POP1: variants seen among roughly 807,000 people sequenced by gnomAD.
POP1 encodes ribonucleases P/MRP protein subunit POP1.
A neutral mutation model predicts 102.2 loss-of-function variants in POP1; 75 were observed. The ratio of observed to expected loss-of-function variants is 0.73; its 90% confidence interval spans 0.61 to 0.89. The LOEUF is 0.89. POP1 is among the 40% of genes least tolerant of loss of function. The pLI is 0.00. For missense variants in POP1, 1,116 were observed against 1,267.4 expected (o/e 0.88, Z 1.81); for synonymous variants, 436 against 464.1 (o/e 0.94, Z 0.78).
Position 98,137,049 on chromosome 8 carries a change from A to G in POP1, c.1362+95A>G, listed in dbSNP as rs561616018. 7.8e-4 allele frequency: 890 copies of G among 1,138,714 alleles called. 13 individuals are homozygous for G. Among genetic ancestry groups the G allele is most frequent in the South Asian group, 7.3e-3 (571 of 78,216 alleles). 70.5% of individuals were successfully genotyped at this position (1,138,714 alleles called of 1,614,324 possible). ...ATATAATTTGGTAACATTTTGGGCC[A>G]TGGCTTTTAGATGTTTATTTCCCTA... On this transcript the variant is annotated intron_variant, in intron 9 of 15. Coordinates refer to ENST00000401707, the MANE Select transcript of POP1 (RefSeq NM_001145860.2).
rs977300497 is a variant in POP1, at chr8:98,146,466, A to G, written c.1595-102A>G. The G allele has an allele frequency of 4.7e-6, 4 of 842,284 alleles. No homozygotes were observed. In the African/African-American group the frequency reaches 5.0e-5, roughly 11 times the overall value. The allele number at this position is 842,284 out of a possible 1,614,324, so 52.2% of individuals were successfully genotyped here. ...ATTCTTCTAAGTTAAGTAAATGCCT[A>G]TGAAATATTGTTTTGTAACAAAAGG... On this transcript the variant is annotated intron_variant, in intron 11 of 15. Coordinates refer to ENST00000401707, the MANE Select transcript of POP1 (RefSeq NM_001145860.2).
In POP1 at chr8:98,136,942, T is replaced by A; in HGVS notation, c.1350T>A (p.Ala450=). 1 of 1,605,098 alleles carries A rather than the reference T, an allele frequency of 6.2e-7. No individual in the cohort carries two copies. Among genetic ancestry groups the A allele is most frequent in the Non-Finnish European group, 8.5e-7 (1 of 1,171,752 alleles). ...HSILTEAIKA[A]SVHTVGEDTE... is the part of the protein sequence containing the mutation. ...TCCTAACTGAAGCAATAAAAGCTGCTTCTGTCCACACTGTAAGAGTAAAAG... is the reference window on the plus strand; with the variant it reads ...TCCTAACTGAAGCAATAAAAGCTGCATCTGTCCACACTGTAAGAGTAAAAG... Residue 450 remains alanine (A), a synonymous_variant, in exon 9 of 16, where the codon GCT becomes GCA. Transcript: ENST00000401707.
In POP1 at chr8:98,130,115, C is replaced by T. The variant is rs200832245; in HGVS notation, c.624C>T (p.His208=). The T allele has an allele frequency of 1.2e-4, 186 of 1,614,178 alleles. 1 individual carries two copies. Among genetic ancestry groups the T allele is most frequent in the Middle Eastern group, 1.6e-4 (1 of 6,062 alleles). ...TTTGGTTAGAAACTCACATCTGGCACGCCAAGCGGTTTCATATGGTCAAGA... is the reference window on the plus strand; with the variant it reads ...TTTGGTTAGAAACTCACATCTGGCATGCCAAGCGGTTTCATATGGTCAAGA... ...KNIWLETHIW[H]AKRFHMVKKW... The change falls in exon 5 of 16, where the codon CAC becomes CAT. Residue 208 remains histidine, a synonymous_variant. Coordinates refer to ENST00000401707, the MANE Select transcript of POP1 (RefSeq NM_001145860.2).
rs1809646309 is a variant in POP1 at position 98,156,306 on chromosome 8, G to T, written c.2314G>T (p.Val772Leu). ...SIEHPREAEEVMDAGCQESAG... is the reference protein window; with the variant it reads ...SIEHPREAEELMDAGCQESAG... ...AGAGCACCCCAGGGAGGCAGAGGAG[G>T]TAATGGATGCAGGGTGTCAAGAATC... The change falls in exon 15 of 16, where the codon GTA becomes TTA. Residue 772 changes from valine to leucine, a missense_variant. Val to Leu is a conservative substitution (Grantham distance 32). Coordinates refer to ENST00000401707, the MANE Select transcript of POP1 (RefSeq NM_001145860.2). 1.2e-6 allele frequency: 2 copies of T among 1,614,180 alleles called. No homozygotes were observed. The highest frequency in any genetic ancestry group is 1.7e-6 in the Non-Finnish European group (2 of 1,180,036).
intron 12 of POP1, among the ~76,000 whole-genome samples, chr8:98,148,250 C>T (rs1369685743): frequency 3.3e-5 from 5 of 152,154 alleles, no homozygotes; most frequent in Non-Finnish European, 7.3e-5. Context: ...GAGGCAGTCT[C>T]TTGCATAGTT....
chr8:98,134,889 G>A (rs1816486340), intron 7 of POP1, among the ~76,000 whole-genome samples: 2 of 152,142 alleles, frequency 1.3e-5, no homozygotes, highest in South Asian at 4.1e-4. Flanking sequence ...TATATAATAT[G>A]ATGATTTGAT....
intron 5 of POP1, 31 bp downstream of exon 5, chr8:98,130,257 T>G: frequency 3.7e-6 from 6 of 1,613,852 alleles, no homozygotes; most frequent in Non-Finnish European, 5.1e-6. Flanking sequence ...TTTTTTGTTA[T>G]TTTTGTTTGA....
intron 2 of POP1, among the ~76,000 whole-genome samples, chr8:98,125,193 T>G (rs559287826): frequency 1.1e-4 from 16 of 147,858 alleles, no homozygotes; most frequent in African/African-American, 3.5e-4. Flanking sequence ...TTTTTTTTTT[T>G]TTTTTTTTTT....
intron 12 of POP1, among the ~76,000 whole-genome samples, chr8:98,148,146 A>G (rs1809405650): frequency 1.3e-5 from 2 of 152,248 alleles, no homozygotes; most frequent in Non-Finnish European, 2.9e-5. Context: ...ACTAACACAT[A>G]GATGGTAGTG....
At chr8:98,138,650 G>A (rs1333192921) in intron 9 of POP1, among the ~76,000 whole-genome samples, 1 of 152,146 alleles carries the variant, frequency 6.6e-6, no homozygotes, top group Non-Finnish European at 1.5e-5. Context: ...TAAGGGTGAG[G>A]ATAGAGTTGG....
At position 98,158,606 on chromosome 8, in the gene POP1, G is replaced by T. The variant is rs1176378669; in HGVS notation, c.*335G>T. On this transcript the variant is annotated 3_prime_UTR_variant, in exon 16 of 16. Transcript: ENST00000401707. ...TTGTTAGAAACAAAGGGCTTGTCAGGTCTATTTGAAAAACCTCATAGTCAT... is the reference window on the plus strand; with the variant it reads ...TTGTTAGAAACAAAGGGCTTGTCAGTTCTATTTGAAAAACCTCATAGTCAT... 5 of 271,436 alleles carry T rather than the reference G, an allele frequency of 1.8e-5. No individual in the cohort carries two copies. Among genetic ancestry groups the T allele is most frequent in the Non-Finnish European group, 3.5e-5 (5 of 141,134 alleles). The allele number at this position is 271,436 out of a possible 1,614,324, so 16.8% of individuals were successfully genotyped here. A position where few individuals can be genotyped will look rare whatever the true frequency, so the allele number is the denominator to read the frequency against.
chr8:98,121,615 T>C (rs1434430440), intron 1 of POP1, among the ~76,000 whole-genome samples: 1 of 150,464 alleles, frequency 6.6e-6, no homozygotes, highest in Non-Finnish European at 1.5e-5. Flanking sequence ...CCTCCTGGGT[T>C]CAAGCGATTC....
intron 7 of POP1, 65 bp from the exon 8 acceptor site, chr8:98,136,417 A>G: frequency 2.7e-6 from 4 of 1,507,464 alleles, no homozygotes; most frequent in East Asian, 4.8e-5. Flanking sequence ...AAAAAACCCA[A>G]CTAAATTTGT....
At chr8:98,143,542 A>G (rs1319058962) in intron 11 of POP1, among the ~76,000 whole-genome samples, 1 of 152,072 alleles carries the variant, frequency 6.6e-6, no homozygotes, top group Non-Finnish European at 1.5e-5. Context: ...CTTAGTTTGT[A>G]TTAGGGTTCA....
chr8:98,118,518 T>G (rs891090698), intron 1 of POP1, among the ~76,000 whole-genome samples: 2 of 152,138 alleles, frequency 1.3e-5, no homozygotes, highest in African/African-American at 4.8e-5. Context: ...CTTGACCTCC[T>G]GGGCTGAAGC....
chr8:98,118,727 AT>A (rs1242522598), intron 1 of POP1, among the ~76,000 whole-genome samples: 1 of 151,608 alleles, frequency 6.6e-6, no homozygotes, highest in Non-Finnish European at 1.5e-5. Flanking sequence ...GCCCGGCCTC[AT>A]TTTTTTTCTT....
chr8:98,136,800 G>A, intron 8 of POP1, 61 bp from the exon 9 acceptor site: 1 of 1,607,988 alleles, frequency 6.2e-7, no homozygotes, highest in Non-Finnish European at 8.5e-7. Flanking sequence ...CTCCATTTTT[G>A]TCAGTGGCAC....
Position 98,134,574 on chromosome 8 carries a change from C to T in POP1, c.926C>T (p.Thr309Met), listed in dbSNP as rs778439120. The change falls in exon 7 of 16, where the codon ACG becomes ATG. Residue 309 changes from threonine to methionine, a missense_variant. By Grantham distance (81) the Thr-to-Met change is moderately conservative. Transcript: ENST00000401707. ...CCCAGAGAAATGCTTGGGCCTGTTA[C>T]GTTTATCTGGAAGTCCCAGAGGACC... ...KYPREMLGPV[T>M]FIWKSQRTPG... is the part of the protein sequence containing the mutation. 8.7e-6 allele frequency: 14 copies of T among 1,614,100 alleles called. No individual in the cohort carries two copies. Among genetic ancestry groups the T allele is most frequent in the East Asian group, 2.2e-5 (1 of 44,884 alleles).
At chr8:98,140,336 C>G in intron 10 of POP1, 147 bp downstream of exon 10, 1 of 707,650 alleles carries the variant, frequency 1.4e-6, no homozygotes, top group South Asian at 1.6e-5. Context: ...GGACTGAACT[C>G]AGTGAATAAA....
Sources: allele counts gnomAD v4.1 joint callset (sites outside exome capture counted in the v4.1 genomes callset), GRCh38; gene constraint gnomAD v4.1.1; transcripts MANE v1.5; gene names NCBI Gene and HGNC (gene_info 2026-07-23, HGNC 2026-07-21).